SNAP91: variants seen among roughly 807,000 people sequenced by gnomAD.
SNAP91 encodes the protein synaptosome associated protein 91.
In SNAP91, 27 loss-of-function variants were observed where a neutral mutation model predicts 100.3. The observed-to-expected ratio is 0.27, with a 90% CI of 0.20 to 0.37. The LOEUF is 0.37. Ranked by LOEUF, SNAP91 falls within the 10% of genes least tolerant of loss-of-function variation. The pLI, the probability that SNAP91 is intolerant of heterozygous loss-of-function variation, is 1.00. For synonymous variants in SNAP91, 404 were observed against 398.6 expected (o/e 1.01, Z -0.16); for missense variants, 986 against 1,123.7 (o/e 0.88, Z 1.75).
chr6:83,667,196 A>G (rs1479438497), intron 2 of SNAP91, among the ~76,000 whole-genome samples: 1 of 152,134 alleles, frequency 6.6e-6, no homozygotes, highest in African/African-American at 2.4e-5. Flanking sequence ...TAAACGTAAC[A>G]GAAGATAAAC....
chr6:83,660,549 G>A (rs1300889684), intron 5 of SNAP91, among the ~76,000 whole-genome samples: 2 of 152,110 alleles, frequency 1.3e-5, no homozygotes, highest in African/African-American at 4.8e-5. Flanking sequence ...GAATGCCTCT[G>A]ACTAGATTTA....
chr6:83,592,977 A>G lies in SNAP91; in HGVS notation c.1815T>C (p.Pro605=). The G allele has an allele frequency of 6.3e-7, 1 of 1,585,978 alleles. No homozygotes were observed. The highest frequency in any genetic ancestry group is 8.6e-7 in the Non-Finnish European group (1 of 1,165,668). ...AGAGGTCAGCAGTGAGAGAACTCTC[A>G]GGCACAGGAGAGGCCCCTTGTGGTG... is the stretch of plus-strand genomic sequence containing the variant. ...SSPPQGASPV[P]ESSLTADLLS... The change falls in exon 20 of 30, where the codon CCT becomes CCC. Residue 605 remains proline (P), a synonymous_variant. Coordinates refer to ENST00000369694, the MANE Select transcript of SNAP91 (RefSeq NM_001242792.2).
rs74514329 is a variant in SNAP91 at position 83,582,692 on chromosome 6, T to C, written c.2015-336A>G. On this transcript the variant is annotated intron_variant, in intron 22 of 29. Coordinates refer to ENST00000369694, the MANE Select transcript of SNAP91 (RefSeq NM_001242792.2). Reference sequence around the variant, plus strand: ...TTACAATTCAGACAGTCTCATTACATTGAAATTTTATGTTTCTTCAAATCA... The same window carrying C: ...TTACAATTCAGACAGTCTCATTACACTGAAATTTTATGTTTCTTCAAATCA... 3.2e-3 allele frequency among the ~76,000 whole-genome samples: 490 copies of C among 152,336 alleles called. 2 individuals carry two copies. The highest frequency in any genetic ancestry group is 0.011 in the African/African-American group (440 of 41,590).
At chr6:83,635,250 CATT>C (rs2097383106) in intron 8 of SNAP91, among the ~76,000 whole-genome samples, 1 of 152,124 alleles carries the variant, frequency 6.6e-6, no homozygotes, top group South Asian at 2.1e-4. Context: ...TGAACTCCCT[CATT>C]ATTGTTGTGT....
intron 8 of SNAP91, among the ~76,000 whole-genome samples, chr6:83,627,920 A>G (rs997819845): frequency 1.3e-5 from 2 of 151,696 alleles, no homozygotes; most frequent in African/African-American, 4.8e-5. Flanking sequence ...TAAGTCCTTT[A>G]GTAGTGATCT....
At chr6:83,606,244 C>T (rs924837593) in intron 13 of SNAP91, among the ~76,000 whole-genome samples, 2 of 152,154 alleles carry the variant, frequency 1.3e-5, no homozygotes, top group Non-Finnish European at 2.9e-5. Flanking sequence ...AAAAAAAATT[C>T]ATGTCTTGAG....
At chr6:83,644,569 G>A (rs2097844372) in intron 7 of SNAP91, among the ~76,000 whole-genome samples, 2 of 152,238 alleles carry the variant, frequency 1.3e-5, no homozygotes, top group South Asian at 2.1e-4. Flanking sequence ...TTGTAAAGCT[G>A]TGATAAATTA....
At position 83,593,669 on chromosome 6, in the gene SNAP91, T is replaced by G. The variant is rs753266739; in HGVS notation, c.1505A>C (p.Glu502Ala). The part of the protein sequence containing the change: ...ELDLFAMKPP[E>A]TSVPVVTPTA... Reference sequence around the variant, plus strand: ...AGGGGTAACTACAGGAACACTGGTCTCAGGTGGCTTCATTGCAAAGAGGTC... The same window carrying G: ...AGGGGTAACTACAGGAACACTGGTCGCAGGTGGCTTCATTGCAAAGAGGTC... The change falls in exon 18 of 30, where the codon GAG becomes GCG. Residue 502 changes from glutamate (E) to alanine (A), a missense_variant. This residue lies in a region of SNAP91 where 575 missense variants were observed against 579.9 expected (regional missense o/e 0.99). Transcript: ENST00000369694. 57 of 1,611,586 alleles carry G rather than the reference T, an allele frequency of 3.5e-5. No individual in the cohort carries two copies. The highest frequency in any genetic ancestry group is 4.8e-5 in the Non-Finnish European group (56 of 1,178,052).
intron 2 of SNAP91, among the ~76,000 whole-genome samples, chr6:83,685,859 A>G (rs949255190): frequency 3.3e-5 from 5 of 152,138 alleles, no homozygotes; most frequent in African/African-American, 9.7e-5. Flanking sequence ...CTCACATTCA[A>G]CGCTCTACCG....
At chr6:83,697,010 A>G (rs1009500228) in intron 2 of SNAP91, among the ~76,000 whole-genome samples, 3 of 152,136 alleles carry the variant, frequency 2.0e-5, no homozygotes, top group Non-Finnish European at 4.4e-5. Context: ...ATAAAATTAA[A>G]TATGTTGTTA....
At chr6:83,592,855 A>G in intron 20 of SNAP91, 91 bp downstream of exon 20, 1 of 936,066 alleles carries the variant, frequency 1.1e-6, no homozygotes, top group East Asian at 2.6e-5. Context: ...AATTTAAAAG[A>G]ACTCAAGAAA....
chr6:83,640,670 C>G (rs2097659819), intron 8 of SNAP91, among the ~76,000 whole-genome samples: 1 of 151,916 alleles, frequency 6.6e-6, no homozygotes, highest in Non-Finnish European at 1.5e-5. Flanking sequence ...AAATCATTGC[C>G]AAAGTAAGAA....
At chr6:83,667,878 T>A (rs961722541) in intron 2 of SNAP91, among the ~76,000 whole-genome samples, 3 of 152,062 alleles carry the variant, frequency 2.0e-5, no homozygotes, top group Non-Finnish European at 2.9e-5. Context: ...GAAACTACCA[T>A]CAGAGTGGAC....
rs571559714 is a variant in SNAP91, at chr6:83,587,162, T to C, written c.2014+4049A>G. On this transcript the variant is annotated intron_variant, in intron 22 of 29. Transcript: ENST00000369694. ...GCCTCAATTTTAAAATGGTTCTTAA[T>C]GTTTAGTTTAAAATCTCTAAAATCA... Among the ~76,000 whole-genome samples the C allele has an allele frequency of 2.0e-5, 3 of 152,278 alleles. No individual in the cohort carries two copies. The East Asian group carries it at 5.8e-4, about 29-fold the overall frequency.
intron 29 of SNAP91, among the ~76,000 whole-genome samples, chr6:83,554,914 G>GTCTGTC (rs1378953427): frequency 2.6e-5 from 4 of 152,064 alleles, no homozygotes; most frequent in Non-Finnish European, 5.9e-5. Flanking sequence ...CTCTGTCTTT[G>GTCTGTC]TCTGTCTCTG....
intron 2 of SNAP91, among the ~76,000 whole-genome samples, chr6:83,694,538 T>C (rs1449515603): frequency 6.6e-6 from 1 of 152,222 alleles, no homozygotes; most frequent in African/African-American, 2.4e-5. Flanking sequence ...CCATGACCTG[T>C]GCTAAGCAAA....
At chr6:83,597,334 T>G (rs373920843) in intron 16 of SNAP91, among the ~76,000 whole-genome samples, 4 of 152,208 alleles carry the variant, frequency 2.6e-5, no homozygotes, top group African/African-American at 9.7e-5. Context: ...CTGTGAGAGA[T>G]AAAATTTGAA....
At chr6:83,601,872 G>C (rs974219793) in intron 14 of SNAP91, among the ~76,000 whole-genome samples, 1 of 152,144 alleles carries the variant, frequency 6.6e-6, no homozygotes, top group Non-Finnish European at 1.5e-5. Context: ...AAAACTACTT[G>C]TGCTGTAGCT....
At chr6:83,653,503 C>T (rs944767396) in intron 7 of SNAP91, among the ~76,000 whole-genome samples, 1 of 152,086 alleles carries the variant, frequency 6.6e-6, no homozygotes, top group South Asian at 2.1e-4. Flanking sequence ...GCTTACATTG[C>T]CTATCTGTTC....
Sources: allele counts gnomAD v4.1 joint callset (sites outside exome capture counted in the v4.1 genomes callset), GRCh38; gene constraint gnomAD v4.1.1; regional missense constraint gnomAD v4.1.1; transcripts MANE v1.5; gene names NCBI Gene and HGNC (gene_info 2026-07-23, HGNC 2026-07-21).